Variants in NMT2 observed in about 807,000 individuals in gnomAD.
The protein encoded by NMT2 is glycylpeptide N-tetradecanoyltransferase 2.
A neutral mutation model predicts 65.4 loss-of-function variants in NMT2; 35 were observed. The ratio of observed to expected loss-of-function variants is 0.54; its 90% confidence interval spans 0.41 to 0.71. NMT2 has a LOEUF of 0.71. NMT2 is among the 30% of genes least tolerant of loss of function. NMT2 has a pLI of 0.00. For synonymous variants in NMT2, 226 were observed against 231.8 expected, an observed-to-expected ratio of 0.98 and a Z score of 0.23; for missense variants, 489 against 611.3, an observed-to-expected ratio of 0.80 and a Z score of 2.11.
At chr10:15,148,308 G>C (rs971238753) in intron 1 of NMT2, among the ~76,000 whole-genome samples, 1 of 152,174 alleles carries the variant, frequency 6.6e-6, no homozygotes, top group Non-Finnish European at 1.5e-5. Context: ...CCAGGAGTTC[G>C]AGACCAGCCT....
chr10:15,117,519 A>G (rs1159254992), intron 9 of NMT2, among the ~76,000 whole-genome samples: 1 of 152,250 alleles, frequency 6.6e-6, no homozygotes. Flanking sequence ...ACTCTTTCTC[A>G]ACAAAGCACT....
At chr10:15,109,245 G>C (rs753633498) in intron 11 of NMT2, 30 bp from the exon 12 acceptor site, 1 of 1,602,688 alleles carries the variant, frequency 6.2e-7, no homozygotes, top group Non-Finnish European at 8.5e-7. Flanking sequence ...GGAATAGTAA[G>C]AAAAATTAGA....
chr10:15,121,208 A>C (rs1026611118), intron 8 of NMT2, among the ~76,000 whole-genome samples: 1 of 152,198 alleles, frequency 6.6e-6, no homozygotes. Context: ...ATCTGTATAT[A>C]AATATTGCTA....
At chr10:15,154,533 T>C (rs1166959660) in intron 1 of NMT2, among the ~76,000 whole-genome samples, 1 of 152,234 alleles carries the variant, frequency 6.6e-6, no homozygotes, top group Non-Finnish European at 1.5e-5. Context: ...CTAAACTTCA[T>C]AGCCTATGCA....
intron 1 of NMT2, chr10:15,155,066 C>T (rs1564589153): frequency 1.5e-6 from 2 of 1,321,858 alleles, no homozygotes; most frequent in Admixed American, 3.4e-5. Flanking sequence ...GAATGAAGTT[C>T]TCATCATCAA....
At chr10:15,141,092 G>A (rs958111587) in intron 2 of NMT2, 2 of 1,398,810 alleles carry the variant, frequency 1.4e-6, no homozygotes, top group Non-Finnish European at 2.0e-6. Context: ...TGAACGAAAA[G>A]TAATCAAATA....
intron 1 of NMT2, among the ~76,000 whole-genome samples, chr10:15,150,712 G>A (rs1832772987): frequency 6.6e-6 from 1 of 152,120 alleles, no homozygotes; most frequent in East Asian, 1.9e-4. Context: ...CAAGCAGGCA[G>A]GTGGCTACAG....
At chr10:15,161,240 A>G (rs1270494901) in intron 1 of NMT2, among the ~76,000 whole-genome samples, 1 of 152,144 alleles carries the variant, frequency 6.6e-6, no homozygotes, top group African/African-American at 2.4e-5. Context: ...GGAGGGGAAA[A>G]GAATGGCATT....
rs1055884893 is a variant in NMT2 at position 15,167,969 on chromosome 10, C to A, written c.110+534G>T. 2.0e-5 allele frequency among the ~76,000 whole-genome samples: 3 copies of A among 152,178 alleles called. No homozygotes were observed. The East Asian group carries it at 5.8e-4, about 29-fold the overall frequency. ...GGCGCCAGAACTTTGCGCAGTTCGC[C>A]GCCTGCGGCCCCGACACCATCGGGG... On this transcript the variant is annotated intron_variant, in intron 1 of 11. Transcript: ENST00000378165.
rs535699588 is a variant in NMT2 at position 15,130,178 on chromosome 10, G to A, written c.854C>T (p.Ala285Val). 1.4e-5 allele frequency: 22 copies of A among 1,590,568 alleles called. No homozygotes were observed. Among genetic ancestry groups the A allele is most frequent in the Admixed American group, 1.0e-4 (6 of 57,922 alleles). ...LEGIFQAVYT[A>V]GVVLPKPIAT... is the part of the protein sequence containing the mutation. ...TATGGGCTTAGGAAGAACCACTCCC[G>A]CGGTGTACACAGCCTGGAAGATCCC... The change falls in exon 7 of 12, where the codon GCG (alanine) becomes GTG (valine). Residue 285 changes from alanine (A) to valine (V), a missense_variant. Physicochemically the swap from Ala to Val is moderately conservative, Grantham distance 64. Coordinates refer to ENST00000378165, the MANE Select transcript of NMT2 (RefSeq NM_004808.3).
intron 2 of NMT2, among the ~76,000 whole-genome samples, chr10:15,137,949 G>A (rs1019860001): frequency 6.6e-5 from 10 of 150,428 alleles, no homozygotes; most frequent in Non-Finnish European, 1.3e-4. Flanking sequence ...GTCCCTTTGC[G>A]AAACATTGAT....
At position 15,119,453 on chromosome 10, in the gene NMT2, A is replaced by G; in HGVS notation, c.1060T>C (p.Leu354=). 5.6e-6 allele frequency: 9 copies of G among 1,614,164 alleles called. No homozygotes were observed. Among genetic ancestry groups the G allele is most frequent in the Non-Finnish European group, 7.6e-6 (9 of 1,180,000 alleles). ...AACTGCTTCAGGTAAGTGTTGATTA[A>G]TTCTCGAACTGATTTGATATCTTTT... ...EPKDIKSVRE[L]INTYLKQFHL... The change falls in exon 9 of 12, where the codon TTA becomes CTA. Residue 354 remains leucine, a synonymous_variant. Transcript: ENST00000378165.
chr10:15,145,262 C>CATG (rs1020697739), intron 1 of NMT2, among the ~76,000 whole-genome samples: 3 of 152,086 alleles, frequency 2.0e-5, no homozygotes, highest in African/African-American at 7.2e-5. Context: ...AGGGCTTGGG[C>CATG]ATGATTAAGG....
intron 1 of NMT2, among the ~76,000 whole-genome samples, chr10:15,146,251 C>T (rs1212665302): frequency 6.6e-6 from 1 of 152,200 alleles, no homozygotes; most frequent in Non-Finnish European, 1.5e-5. Context: ...CACATTCCTT[C>T]TCAGCCATGG....
Position 15,108,954 on chromosome 10 carries a change from T to C in NMT2, c.*241A>G, listed in dbSNP as rs1322438028. The C allele has an allele frequency of 7.1e-6, 9 of 1,270,388 alleles. No individual in the cohort carries two copies. Among genetic ancestry groups the C allele is most frequent in the East Asian group, 4.0e-5 (1 of 24,810 alleles). 78.7% of individuals were successfully genotyped at this position (1,270,388 alleles called of 1,614,324 possible). On this transcript the variant is annotated 3_prime_UTR_variant, in exon 12 of 12. Transcript: ENST00000378165. ...GGCAAAAATTTGAAAATTACAAGAA[T>C]GTGCTCTTTGTAGCCTTTCATCCCT... is the stretch of plus-strand genomic sequence containing the variant.
chr10:15,140,931 A>C, intron 2 of NMT2: 1 of 1,439,834 alleles, frequency 6.9e-7, no homozygotes, highest in Non-Finnish European at 9.6e-7. Context: ...CCTTGGCATT[A>C]GAATGAAGAA....
intron 1 of NMT2, among the ~76,000 whole-genome samples, chr10:15,159,668 T>C (rs1004121193): frequency 2.0e-5 from 3 of 152,162 alleles, no homozygotes; most frequent in Non-Finnish European, 2.9e-5. Flanking sequence ...CCTCAGGTGA[T>C]CCACCCGCCT....
At chr10:15,146,183 A>C (rs2131590089) in intron 1 of NMT2, among the ~76,000 whole-genome samples, 1 of 152,342 alleles carries the variant, frequency 6.6e-6, no homozygotes, top group East Asian at 1.9e-4. Flanking sequence ...AAGCCCGCAC[A>C]CTTCAGCTTC....
chr10:15,133,420 A>G (rs1423399977), intron 3 of NMT2, 57 bp from the exon 4 acceptor site: 1 of 1,336,310 alleles, frequency 7.5e-7, no homozygotes, highest in East Asian at 2.3e-5. Context: ...ATTAAATGAC[A>G]AAGTATTCTA....
Sources: gnomAD v4.1 joint callset for allele counts (sites outside exome capture counted in the v4.1 genomes callset) on GRCh38, gnomAD v4.1.1 for gene constraint, MANE v1.5 for transcripts, NCBI Gene and HGNC (gene_info 2026-07-23, HGNC 2026-07-21) for gene names.